Variants in RHOT1 observed in about 807,000 individuals in gnomAD.
RHOT1 encodes the protein mitochondrial Rho GTPase 1.
Under a neutral mutation model 95.3 loss-of-function variants are expected in RHOT1, and 27 were observed. The observed-to-expected ratio is 0.28, with a 90% CI of 0.21 to 0.39. The LOEUF is 0.39. Ranked by LOEUF, RHOT1 falls within the 10% of genes least tolerant of loss-of-function variation. The pLI, the probability that RHOT1 is intolerant of heterozygous loss-of-function variation, is 1.00. For missense variants in RHOT1, 578 were observed against 786.7 expected (o/e 0.73, Z 3.17); for synonymous variants, 227 against 263.5 (o/e 0.86, Z 1.34).
At chr17:32,197,681 G>T (rs2037004830) in intron 11 of RHOT1, among the ~76,000 whole-genome samples, 1 of 152,112 alleles carries the variant, frequency 6.6e-6, no homozygotes, top group African/African-American at 2.4e-5. Flanking sequence ...GCCCGCCTCG[G>T]CCTCCCAAAG....
chr17:32,175,895 G>T, intron 4 of RHOT1, 67 bp from the exon 5 acceptor site: 1 of 1,035,974 alleles, frequency 9.7e-7, no homozygotes. Context: ...TTAATAAGTT[G>T]CTAATTAAGT....
chr17:32,199,823 A>G (rs73268520), intron 13 of RHOT1, among the ~76,000 whole-genome samples: 1,724 of 152,306 alleles, frequency 0.011, 35 homozygotes, highest in African/African-American at 0.039. Flanking sequence ...TGTTTGATTA[A>G]GGGAATTGGA....
chr17:32,183,121 G>GT (rs1441553579), intron 7 of RHOT1, 50 bp from the exon 8 acceptor site: 45 of 1,408,948 alleles, frequency 3.2e-5, no homozygotes, highest in Non-Finnish European at 4.3e-5. Flanking sequence ...TTTGAAAATT[G>GT]TTTTTAGCTC....
At chr17:32,212,816 A>G (rs1489597115) in intron 19 of RHOT1, among the ~76,000 whole-genome samples, 1 of 151,480 alleles carries the variant, frequency 6.6e-6, no homozygotes, top group African/African-American at 2.4e-5. Flanking sequence ...GTCTCCCCTA[A>G]TTTTCTCTTC....
chr17:32,208,488 A>C, intron 18 of RHOT1, 179 bp downstream of exon 18: 1 of 612,278 alleles, frequency 1.6e-6, no homozygotes, highest in Non-Finnish European at 2.9e-6. Context: ...TAATAAAATG[A>C]TATAAACAGT....
Position 32,179,261 on chromosome 17 carries a change from G to A in RHOT1, c.329+3048G>A, listed in dbSNP as rs8068502. On this transcript the variant is annotated intron_variant, in intron 6 of 19. Coordinates refer to ENST00000545287, the MANE Select transcript of RHOT1 (RefSeq NM_001033566.3). ...GGAAGCGCCTCTGCCCGGCCGCCCC[G>A]TCTGGGAAGTGAGGAGCGCCTCTGC... 430 of 128,230 alleles carry A rather than the reference G, an allele frequency of 3.4e-3. 3 individuals are homozygous for A. The highest frequency in any genetic ancestry group is 0.011 in the African/African-American group (363 of 32,398). The allele number at this position is 128,230 out of a possible 1,614,324, so 7.9% of individuals were successfully genotyped here. A position where few individuals can be genotyped will look rare whatever the true frequency, so the allele number is the denominator to read the frequency against.
intron 1 of RHOT1, among the ~76,000 whole-genome samples, chr17:32,160,850 G>A (rs531805839): frequency 8.1e-4 from 124 of 152,206 alleles, no homozygotes; most frequent in Non-Finnish European, 1.1e-3. Flanking sequence ...CAGGCTGGTC[G>A]TGTGAGTTGA....
intron 16 of RHOT1, 127 bp from the exon 17 acceptor site, chr17:32,206,783 C>T (rs1218767018): frequency 5.6e-6 from 4 of 717,120 alleles, no homozygotes; most frequent in Non-Finnish European, 8.8e-6. Context: ...TAAAACTGGC[C>T]TGAAAAGTTA....
At position 32,146,278 on chromosome 17, in the gene RHOT1, T is replaced by C. The variant is rs143551092; in HGVS notation, c.37+3549T>C. Among the ~76,000 whole-genome samples, 361 of 152,228 alleles carry C rather than the reference T, an allele frequency of 2.4e-3. 3 individuals carry two copies. Among genetic ancestry groups the C allele is most frequent in the Non-Finnish European group, 3.1e-3 (208 of 68,006 alleles). ...AGGGGATTTGTCTTCCTTCTTGCTG[T>C]ATCCCCAGTGGCTAGAACAGACCTG... On this transcript the variant is annotated intron_variant, in intron 1 of 19. Transcript: ENST00000545287.
chr17:32,150,546 G>T, intron 1 of RHOT1: 3 of 1,536,186 alleles, frequency 2.0e-6, no homozygotes, highest in Non-Finnish European at 2.7e-6. Context: ...TGGGAGATAG[G>T]CCTACAGCTA....
chr17:32,190,962 CTT>C (rs2036447407), intron 8 of RHOT1, among the ~76,000 whole-genome samples: 1 of 151,912 alleles, frequency 6.6e-6, no homozygotes, highest in Non-Finnish European at 1.5e-5. Flanking sequence ...ACCCAGCTAA[CTT>C]TTGTATTTTT....
rs566713070 is a variant in RHOT1, at chr17:32,165,170, T to C, written c.38-5873T>C. Among the ~76,000 whole-genome samples the C allele has an allele frequency of 1.1e-4, 17 of 151,678 alleles. No individual in the cohort carries two copies. In the East Asian group the frequency reaches 2.9e-3, roughly 26 times the overall value. On this transcript the variant is annotated intron_variant, in intron 1 of 19. Transcript: ENST00000545287. The stretch of plus-strand genomic sequence containing the variant: ...GGCTAACACGGTGAAACCCCATCTC[T>C]ACTAAAAATACAAAAAATTAGCTGG...
chr17:32,202,649 A>G (rs898505483), intron 14 of RHOT1, 121 bp from the exon 15 acceptor site: 1 of 671,528 alleles, frequency 1.5e-6, no homozygotes, highest in Non-Finnish European at 2.5e-6. Flanking sequence ...GTTTGTTTAT[A>G]GATCAGCTAC....
intron 1 of RHOT1, among the ~76,000 whole-genome samples, chr17:32,166,876 A>G (rs1228633777): frequency 6.6e-6 from 1 of 152,206 alleles, no homozygotes; most frequent in East Asian, 1.9e-4. Flanking sequence ...CAAACTCCTG[A>G]TAATGTTACT....
intron 3 of RHOT1, 66 bp downstream of exon 3, chr17:32,173,978 C>T: frequency 1.8e-6 from 2 of 1,116,074 alleles, no homozygotes; most frequent in Non-Finnish European, 2.7e-6. Context: ...AAGATACTTA[C>T]TGAGCTTTTA....
intron 1 of RHOT1, among the ~76,000 whole-genome samples, chr17:32,152,928 C>T (rs977862075): frequency 2.0e-5 from 3 of 152,026 alleles, no homozygotes; most frequent in East Asian, 1.9e-4. Context: ...CTCAACCTTC[C>T]GAATACCTGC....
intron 8 of RHOT1, among the ~76,000 whole-genome samples, chr17:32,191,510 T>C (rs1331896597): frequency 1.3e-5 from 2 of 152,280 alleles, no homozygotes; most frequent in Admixed American, 1.3e-4. Flanking sequence ...CATGTGGGCC[T>C]TATTTTAAAA....
intron 14 of RHOT1, among the ~76,000 whole-genome samples, chr17:32,202,086 A>G (rs1567713939): frequency 6.6e-6 from 1 of 151,996 alleles, no homozygotes. Context: ...TAATTTTTGT[A>G]TTTTTAGTAG....
intron 13 of RHOT1, among the ~76,000 whole-genome samples, chr17:32,199,943 C>CT (rs71362808): frequency 0.018 from 2,375 of 128,684 alleles, 71 homozygotes; most frequent in African/African-American, 0.046. Flanking sequence ...TTAATGAACT[C>CT]TTTTTTTTTT....
Sources: allele counts gnomAD v4.1 joint callset (sites outside exome capture counted in the v4.1 genomes callset), GRCh38; gene constraint gnomAD v4.1.1; transcripts MANE v1.5; gene names NCBI Gene and HGNC (gene_info 2026-07-23, HGNC 2026-07-21).